The following CLIP1 variants were observed in gnomAD, a reference collection of about 807,000 sequenced individuals.
The protein encoded by CLIP1 is CAP-Gly domain-containing linker protein 1.
Under a neutral mutation model 161.6 loss-of-function variants are expected in CLIP1, and 66 were observed. That is an observed-to-expected ratio of 0.41 (90% confidence interval 0.33 to 0.50). CLIP1 has a LOEUF of 0.50. Among genes scored for constraint, CLIP1 ranks in the 20% least tolerant of loss-of-function variants. The probability of loss-of-function intolerance (pLI) is 0.27; values close to 1 mark genes in which losing one functional copy is unlikely to be tolerated. For synonymous variants in CLIP1, 598 were observed against 626.2 expected (o/e 0.96, Z 0.67); for missense variants, 1,376 against 1,702.0 (o/e 0.81, Z 3.37).
At chr12:122,422,714 G>GCGCA (rs1378993455), upstream of CLIP1, 12 of 92,156 alleles carry the variant, frequency 1.3e-4, no homozygotes, top group Non-Finnish European at 2.5e-4. Flanking sequence ...CTCCGCCGCC[G>GCGCA]CGCCCGCCCG....
chr12:122,404,797 G>T lies in CLIP1; in HGVS notation c.-107+17724C>A, dbSNP rs1395003267. On this transcript the variant is annotated intron_variant, in intron 1 of 25. Coordinates refer to ENST00000620786, the MANE Select transcript of CLIP1 (RefSeq NM_001247997.2). The stretch of plus-strand genomic sequence containing the variant: ...GGGCGCCTGTAGTCCCAACAACTCA[G>T]GAGGCTGAGGCAGAATGGTGTGAAC... Among the ~76,000 whole-genome samples the T allele has an allele frequency of 5.3e-5, 8 of 150,356 alleles. No homozygotes were observed. The East Asian group carries it at 1.6e-3, about 29-fold the overall frequency.
At chr12:122,390,308 A>C in intron 1 of CLIP1, among the ~76,000 whole-genome samples, 1 of 127,388 alleles carries the variant, frequency 7.9e-6, no homozygotes, top group Middle Eastern at 4.0e-3. Flanking sequence ...ATATATGTAT[A>C]TATATATATA....
In CLIP1 at chr12:122,336,699, TTAGTAA is replaced by T; in HGVS notation, c.2495_2500del (p.Leu832_Asn834delinsHis). 1.2e-6 allele frequency: 2 copies of T among 1,611,998 alleles called. No homozygotes were observed. The highest frequency in any genetic ancestry group is 1.7e-6 in the Non-Finnish European group (2 of 1,178,980). ...GACTTCACTCAAATTTTCCTGAAGGTTAGTAAGCTTTAGCTCTCTCCCCTGGAGCTC... is the reference window on the plus strand; with the variant it reads ...GACTTCACTCAAATTTTCCTGAAGGTGCTTTAGCTCTCTCCCCTGGAGCTC... On this transcript the variant is annotated inframe_deletion, in exon 12 of 26. Transcript: ENST00000620786.
At chr12:122,363,044 C>T (rs1430500858) in intron 4 of CLIP1, among the ~76,000 whole-genome samples, 1 of 152,042 alleles carries the variant, frequency 6.6e-6, no homozygotes, top group Non-Finnish European at 1.5e-5. Context: ...TGTTAACTAC[C>T]ACATTTTAAT....
At chr12:122,402,599 A>T (rs1956180576) in intron 1 of CLIP1, among the ~76,000 whole-genome samples, 1 of 152,174 alleles carries the variant, frequency 6.6e-6, no homozygotes, top group African/African-American at 2.4e-5. Flanking sequence ...AACATGGTGA[A>T]ACCCCATCTC....
chr12:122,316,808 G>C lies in CLIP1; in HGVS notation c.3414C>G (p.Asn1138Lys), dbSNP rs532538060. 1 of 1,590,894 alleles carries C rather than the reference G, an allele frequency of 6.3e-7. No homozygotes were observed. The highest frequency in any genetic ancestry group is 1.7e-4 in the Middle Eastern group (1 of 6,014). ...CTACAGTCAGGAGTTCTTTTGATTT[G>C]TTCAGCTCTTCCACATTTTTCAAGT... ...ENNLKNVEEL[N>K]KSKELLTVEN... Residue 1138 changes from asparagine to lysine, a missense_variant, in exon 19 of 26, where the codon AAC (asparagine) becomes AAG (lysine). Physicochemically the swap from Asn to Lys is moderately conservative, Grantham distance 94. Coordinates refer to ENST00000620786, the MANE Select transcript of CLIP1 (RefSeq NM_001247997.2).
rs1184916940 is a variant in CLIP1 at position 122,364,787 on chromosome 12, G to A, written c.658-680C>T. 35 of 996,040 alleles carry A rather than the reference G, an allele frequency of 3.5e-5. No homozygotes were observed. The East Asian group carries it at 8.6e-4, about 25-fold the overall frequency. 61.7% of individuals were successfully genotyped at this position (996,040 alleles called of 1,614,324 possible). On this transcript the variant is annotated intron_variant, in intron 3 of 25. Coordinates refer to ENST00000620786, the MANE Select transcript of CLIP1 (RefSeq NM_001247997.2). ...TCTTCCAGTAATTCGCCAAAATGACGAACACAAAGCGAAAGAGGAGAGGCA... is the reference window on the plus strand; with the variant it reads ...TCTTCCAGTAATTCGCCAAAATGACAAACACAAAGCGAAAGAGGAGAGGCA...
At chr12:122,335,690 C>T (rs1952183892) in intron 12 of CLIP1, among the ~76,000 whole-genome samples, 1 of 151,914 alleles carries the variant, frequency 6.6e-6, no homozygotes, top group Admixed American at 6.6e-5. Flanking sequence ...GCCTGTAATC[C>T]CAGCTACTCA....
At chr12:122,414,887 T>C (rs1386913100) in intron 1 of CLIP1, among the ~76,000 whole-genome samples, 1 of 151,982 alleles carries the variant, frequency 6.6e-6, no homozygotes, top group African/African-American at 2.4e-5. Flanking sequence ...ACATTATGTA[T>C]ATTAAAAATG....
At chr12:122,418,738 G>A (rs1956837248) in intron 1 of CLIP1, among the ~76,000 whole-genome samples, 1 of 152,120 alleles carries the variant, frequency 6.6e-6, no homozygotes, top group South Asian at 2.1e-4. Flanking sequence ...ACTCCAGCCT[G>A]CGTGACAGAG....
chr12:122,309,250 C>T (rs1950981685), intron 20 of CLIP1, among the ~76,000 whole-genome samples: 1 of 152,162 alleles, frequency 6.6e-6, no homozygotes, highest in African/African-American at 2.4e-5. Context: ...TACCAATGCA[C>T]ACAAGTGTAC....
intron 4 of CLIP1, among the ~76,000 whole-genome samples, chr12:122,362,311 A>G (rs1347515115): frequency 6.6e-6 from 1 of 151,882 alleles, no homozygotes; most frequent in Admixed American, 6.6e-5. Flanking sequence ...AACTGTAGAG[A>G]AATATAAATA....
chr12:122,316,240 T>C (rs2136587723), intron 19 of CLIP1, among the ~76,000 whole-genome samples: 1 of 151,550 alleles, frequency 6.6e-6, no homozygotes, highest in East Asian at 2.0e-4. Context: ...AGACAGGATC[T>C]CACTCTGTCA....
intron 15 of CLIP1, among the ~76,000 whole-genome samples, chr12:122,332,291 G>A (rs564929956): frequency 4.6e-5 from 6 of 131,260 alleles, no homozygotes; most frequent in South Asian, 4.7e-4. Flanking sequence ...GCAAAACTCC[G>A]TCTCAAAAAA....
intron 20 of CLIP1, among the ~76,000 whole-genome samples, chr12:122,307,254 G>A (rs1292972705): frequency 1.3e-5 from 2 of 151,742 alleles, no homozygotes; most frequent in East Asian, 1.9e-4. Flanking sequence ...TGATCCACCC[G>A]CCTCGGCCTC....
chr12:122,302,100 T>TTTA (rs908142835), intron 20 of CLIP1, among the ~76,000 whole-genome samples: 111 of 152,086 alleles, frequency 7.3e-4, no homozygotes, highest in African/African-American at 2.6e-3. Flanking sequence ...ATTATTATTT[T>TTTA]TTATTATTAT....
chr12:122,370,655 T>G (rs1954397767), intron 3 of CLIP1, among the ~76,000 whole-genome samples: 1 of 152,112 alleles, frequency 6.6e-6, no homozygotes, highest in Non-Finnish European at 1.5e-5. Context: ...TCCCTAGAAC[T>G]AACAGGTAAA....
chr12:122,394,835 G>A (rs7972832), intron 1 of CLIP1, among the ~76,000 whole-genome samples: 93,094 of 151,816 alleles, frequency 0.61, 28,942 homozygotes, highest in Non-Finnish European at 0.64. Flanking sequence ...TCTGGCGACA[G>A]CATGAGACTC....
chr12:122,360,527 G>C (rs1018746941), intron 5 of CLIP1, among the ~76,000 whole-genome samples: 1 of 151,898 alleles, frequency 6.6e-6, no homozygotes, highest in African/African-American at 2.4e-5. Context: ...GTTGAGGCTG[G>C]GTGACAAAGT....
Sources: allele counts gnomAD v4.1 joint callset (sites outside exome capture counted in the v4.1 genomes callset), GRCh38; gene constraint gnomAD v4.1.1; transcripts MANE v1.5; gene names NCBI Gene and HGNC (gene_info 2026-07-23, HGNC 2026-07-21).